The following CDKAL1 variants were observed in gnomAD, a reference collection of about 807,000 sequenced individuals.
CDKAL1 encodes CDKAL1 threonylcarbamoyladenosine tRNA methylthiotransferase.
CDKAL1 carries 32 observed loss-of-function variants against 68.2 expected under a neutral mutation model. The observed-to-expected ratio is 0.47, with a 90% confidence interval of 0.35 to 0.63. The LOEUF (loss-of-function observed/expected upper bound fraction) is 0.63. CDKAL1 is among the 30% of genes least tolerant of loss of function. CDKAL1 has a pLI of 0.00. For synonymous variants in CDKAL1, 234 were observed against 244.3 expected, an observed-to-expected ratio of 0.96 and a Z score of 0.39; for missense variants, 606 against 696.7, an observed-to-expected ratio of 0.87 and a Z score of 1.47.
chr6:20,632,387 G>A (rs1222610814), intron 4 of CDKAL1, among the ~76,000 whole-genome samples: 1 of 152,226 alleles, frequency 6.6e-6, no homozygotes, highest in Admixed American at 6.5e-5. Context: ...GGGCTCTACT[G>A]AATGTATATT....
chr6:20,569,716 T>G (rs960085504), intron 4 of CDKAL1, among the ~76,000 whole-genome samples: 2 of 152,240 alleles, frequency 1.3e-5, no homozygotes, highest in Non-Finnish European at 2.9e-5. Context: ...CATTTTCCTT[T>G]GTGTGAAATT....
chr6:20,730,912 T>G (rs1417252979), intron 5 of CDKAL1, among the ~76,000 whole-genome samples: 1 of 141,898 alleles, frequency 7.0e-6, no homozygotes, highest in Non-Finnish European at 1.5e-5. Flanking sequence ...TGCTGTGGAG[T>G]ATAAGAGTTT....
chr6:21,065,042 T>A lies in CDKAL1; in HGVS notation c.1056-6T>A. ...GTTTTTACATTTTTGTCTTGTTATTTTCTAGAGTTCCTGGAATAACTATTG... is the reference window on the plus strand; with the variant it reads ...GTTTTTACATTTTTGTCTTGTTATTATCTAGAGTTCCTGGAATAACTATTG... On this transcript the variant is annotated splice_region_variant and splice_polypyrimidine_tract_variant and intron_variant, in intron 11 of 15. Transcript: ENST00000274695. 6.6e-7 allele frequency: 1 copy of A among 1,524,074 alleles called. No individual in the cohort carries two copies. The highest frequency in any genetic ancestry group is 8.8e-7 in the Non-Finnish European group (1 of 1,132,758). The allele number at this position is 1,524,074 out of a possible 1,614,324, so 94.4% of individuals were successfully genotyped here. A position where few individuals can be genotyped will look rare whatever the true frequency, so the allele number is the denominator to read the frequency against.
chr6:20,729,338 G>A (rs1772799601), intron 5 of CDKAL1, among the ~76,000 whole-genome samples: 1 of 152,134 alleles, frequency 6.6e-6, no homozygotes, highest in African/African-American at 2.4e-5. Flanking sequence ...CTGTTTTGGT[G>A]TCAGGCTTTG....
In CDKAL1 at chr6:21,205,744, G is replaced by A. The variant is rs183086324; in HGVS notation, c.1548+4470G>A. Among the ~76,000 whole-genome samples the A allele has an allele frequency of 8.3e-3, 1,251 of 150,324 alleles. 18 individuals carry two copies. The highest frequency in any genetic ancestry group is 0.028 in the African/African-American group (1,155 of 40,674). ...GACGGGGTTTCACTGTGTTAGCCAGGATGGTCTCGATCTCCTGACCTCGTG... is the reference window on the plus strand; with the variant it reads ...GACGGGGTTTCACTGTGTTAGCCAGAATGGTCTCGATCTCCTGACCTCGTG... On this transcript the variant is annotated intron_variant, in intron 15 of 15. Coordinates refer to ENST00000274695, the MANE Select transcript of CDKAL1 (RefSeq NM_017774.3).
At chr6:20,836,342 G>A (rs888288514) in intron 8 of CDKAL1, among the ~76,000 whole-genome samples, 4 of 152,134 alleles carry the variant, frequency 2.6e-5, no homozygotes, top group African/African-American at 4.8e-5. Flanking sequence ...AAGCAGCACC[G>A]TCACTAAGTT....
intron 5 of CDKAL1, among the ~76,000 whole-genome samples, chr6:20,670,094 T>G (rs1244044198): frequency 1.3e-5 from 2 of 152,188 alleles, no homozygotes; most frequent in African/African-American, 4.8e-5. Flanking sequence ...GAAAGTCTCA[T>G]AGTCTACAAT....
At chr6:20,593,116 T>A (rs1765665913) in intron 4 of CDKAL1, among the ~76,000 whole-genome samples, 1 of 152,234 alleles carries the variant, frequency 6.6e-6, no homozygotes, top group Non-Finnish European at 1.5e-5. Flanking sequence ...TCAGGGATAT[T>A]GGTCTGAAAT....
chr6:20,833,852 C>A (rs541527252), intron 8 of CDKAL1, among the ~76,000 whole-genome samples: 2 of 152,158 alleles, frequency 1.3e-5, no homozygotes, highest in South Asian at 4.1e-4. Context: ...TCAGTTAATG[C>A]AAGGTTGGGT....
chr6:20,809,722 G>T (rs184810065), intron 8 of CDKAL1, among the ~76,000 whole-genome samples: 274 of 152,294 alleles, frequency 1.8e-3, no homozygotes, highest in Admixed American at 2.8e-3. Context: ...ACGTAGAAAG[G>T]AAGAAGTCAA....
At chr6:21,210,451 A>C (rs752221860) in intron 15 of CDKAL1, among the ~76,000 whole-genome samples, 2 of 152,192 alleles carry the variant, frequency 1.3e-5, no homozygotes, top group Admixed American at 6.5e-5. Context: ...GGACACAGCA[A>C]GAAGACTCTG....
chr6:20,818,004 C>T (rs1000126070), intron 8 of CDKAL1, among the ~76,000 whole-genome samples: 3 of 152,118 alleles, frequency 2.0e-5, no homozygotes, highest in Admixed American at 1.3e-4. Context: ...TCCACTCTGA[C>T]CCCCATCAGT....
intron 13 of CDKAL1, among the ~76,000 whole-genome samples, chr6:21,117,650 T>C (rs532127394): frequency 2.2e-4 from 34 of 152,196 alleles, no homozygotes; most frequent in Non-Finnish European, 3.7e-4. Context: ...AAAAATTTAT[T>C]CATTATTTAT....
At chr6:20,759,849 A>G (rs889017809) in intron 7 of CDKAL1, among the ~76,000 whole-genome samples, 5 of 152,170 alleles carry the variant, frequency 3.3e-5, no homozygotes, top group Non-Finnish European at 7.3e-5. Context: ...AACCAATAAT[A>G]TGATACTGAA....
intron 15 of CDKAL1, among the ~76,000 whole-genome samples, chr6:21,206,748 A>G (rs2151113993): frequency 6.6e-6 from 1 of 152,316 alleles, no homozygotes; most frequent in Admixed American, 6.5e-5. Flanking sequence ...CTTGACTCAC[A>G]GTGTCTTCAT....
chr6:20,802,248 A>T (rs1776394915), intron 8 of CDKAL1, among the ~76,000 whole-genome samples: 1 of 151,762 alleles, frequency 6.6e-6, no homozygotes, highest in African/African-American at 2.4e-5. Flanking sequence ...CAGTGAGCCG[A>T]GATTGCGCCG....
chr6:20,575,644 A>T (rs1455969068), intron 4 of CDKAL1, among the ~76,000 whole-genome samples: 2 of 152,126 alleles, frequency 1.3e-5, no homozygotes, highest in Non-Finnish European at 2.9e-5. Flanking sequence ...CTTTTTGATT[A>T]CAGGGTTTCT....
chr6:20,625,360 A>T (rs770786813), intron 4 of CDKAL1, among the ~76,000 whole-genome samples: 1 of 152,150 alleles, frequency 6.6e-6, no homozygotes, highest in Non-Finnish European at 1.5e-5. Context: ...TTTAGTCAAT[A>T]CGCATCCATT....
At chr6:21,001,069 G>T (rs951089846) in intron 11 of CDKAL1, among the ~76,000 whole-genome samples, 8 of 152,240 alleles carry the variant, frequency 5.3e-5, no homozygotes, top group Admixed American at 6.5e-5. Context: ...GGAAATGGAA[G>T]TGTTGGCCCA....
Sources: allele counts gnomAD v4.1 joint callset (sites outside exome capture counted in the v4.1 genomes callset), GRCh38; gene constraint gnomAD v4.1.1; transcripts MANE v1.5; gene names NCBI Gene and HGNC (gene_info 2026-07-23, HGNC 2026-07-21).